Variants in ERICH1 observed in about 807,000 individuals in gnomAD.
ERICH1 encodes glutamate-rich protein 1.
In ERICH1, 56 loss-of-function variants were observed where a neutral mutation model predicts 39.6. The observed-to-expected ratio is 1.41, with a 90% CI of 1.14 to 1.77. The LOEUF is 1.77. Among genes scored for constraint, ERICH1 ranks in the 40% most tolerant of loss-of-function variants. The probability of loss-of-function intolerance (pLI) is 0.00; values close to 1 mark genes in which losing one functional copy is unlikely to be tolerated. For missense variants in ERICH1, 826 were observed against 575.4 expected, an observed-to-expected ratio of 1.44 and a Z score of -4.45; for synonymous variants, 313 against 223.6, an observed-to-expected ratio of 1.40 and a Z score of -3.57.
At chr8:637,506 GC>G (rs2117176645) in intron 3 of ERICH1, 1 of 152,430 alleles carries the variant, frequency 6.6e-6, no homozygotes, top group South Asian at 2.1e-4. Flanking sequence ...TACAATCAGA[GC>G]CCCACATGCC....
In ERICH1 at chr8:635,581, C is replaced by T. The variant is rs139129275; in HGVS notation, c.977-20297G>A. ...CTGTGGTCGACCTGGACGTAGTGGC[C>T]AGCCGGCCCGGCCCCGACCTGCCAG... is the stretch of plus-strand genomic sequence containing the variant. On this transcript the variant is annotated intron_variant, in intron 3 of 3. Coordinates refer to the ERICH1 transcript ENST00000522706. Among the ~76,000 whole-genome samples, 1,406 of 152,324 alleles carry T rather than the reference C, an allele frequency of 9.2e-3. 15 individuals carry two copies. Among genetic ancestry groups the T allele is most frequent in the African/African-American group, 0.032 (1,342 of 41,576 alleles).
At chr8:621,871 C>A (rs766977867) in intron 3 of ERICH1, among the ~76,000 whole-genome samples, 3 of 152,156 alleles carry the variant, frequency 2.0e-5, no homozygotes, top group African/African-American at 7.2e-5. Flanking sequence ...ACTACCCAAA[C>A]CAACTCAAAA....
rs1554526200 is a variant in ERICH1, at chr8:708,687, T to TTTTTGTTTTTG, written c.169+7173_169+7174insCAAAAACAAAA. ...AGTGGTTACGGGATAATGAGTTTTT[T>TTTTTGTTTTTG]TTTTTTTTTTTTTTTTTTTTTTTTG... On this transcript the variant is annotated intron_variant, in intron 2 of 5. Coordinates refer to ENST00000262109, the MANE Select transcript of ERICH1 (RefSeq NM_207332.3). Among the ~76,000 whole-genome samples the TTTTTGTTTTTG allele has an allele frequency of 4.5e-4, 23 of 51,098 alleles. 2 individuals carry two copies. In the South Asian group the frequency reaches 0.016, roughly 35 times the overall value. The allele number at this position is 51,098 out of a possible 152,430, so 33.5% of individuals were successfully genotyped here. A position where few individuals can be genotyped will look rare whatever the true frequency, so the allele number is the denominator to read the frequency against.
intron 3 of ERICH1, chr8:626,417 G>A (rs1419053732): frequency 2.0e-5 from 3 of 152,168 alleles, no homozygotes; most frequent in African/African-American, 4.8e-5. Flanking sequence ...GCAGGAGCTG[G>A]GGTGGGGTCA....
intron 3 of ERICH1, among the ~76,000 whole-genome samples, chr8:621,733 A>C (rs1056942340): frequency 2.4e-4 from 36 of 152,176 alleles, no homozygotes; most frequent in African/African-American, 8.7e-4. Context: ...CTAAATTACC[A>C]AAGTTAGAAA....
At chr8:631,913 G>C (rs140508004) in intron 3 of ERICH1, among the ~76,000 whole-genome samples, 8 of 152,222 alleles carry the variant, frequency 5.3e-5, no homozygotes, top group Non-Finnish European at 1.0e-4. Flanking sequence ...AAGATTTAAA[G>C]CCCATTCTCC....
chr8:623,684 A>G (rs1029727074), intron 3 of ERICH1, among the ~76,000 whole-genome samples: 2 of 152,308 alleles, frequency 1.3e-5, no homozygotes, highest in East Asian at 3.9e-4. Context: ...ATGCTGGAAC[A>G]AGTGGACTTC....
At chr8:693,338 A>G (rs571186711) in intron 2 of ERICH1, among the ~76,000 whole-genome samples, 141 of 152,384 alleles carry the variant, frequency 9.3e-4, no homozygotes, top group South Asian at 6.8e-3. Context: ...TGTATCTTAC[A>G]TGTAAAATAT....
At chr8:708,697 T>TTTTTTTTTTG (rs1813981503) in intron 2 of ERICH1, among the ~76,000 whole-genome samples, 5 of 139,118 alleles carry the variant, frequency 3.6e-5, no homozygotes, top group Admixed American at 2.2e-4. Context: ...TTTTTTTTTT[T>TTTTTTTTTTG]TTTTTTTTTT....
intron 2 of ERICH1, among the ~76,000 whole-genome samples, chr8:699,458 G>A (rs911996882): frequency 5.3e-5 from 8 of 152,160 alleles, no homozygotes; most frequent in African/African-American, 1.7e-4. Flanking sequence ...TAAAATCCAA[G>A]GACAAGCACG....
intron 3 of ERICH1, among the ~76,000 whole-genome samples, chr8:624,910 T>C (rs1217175354): frequency 6.6e-6 from 1 of 151,950 alleles, no homozygotes; most frequent in Non-Finnish European, 1.5e-5. Flanking sequence ...GTATTTTTAG[T>C]AGAGACGGGG....
chr8:632,026 CGGA>C (rs551884565), intron 3 of ERICH1, among the ~76,000 whole-genome samples: 2,393 of 152,262 alleles, frequency 0.016, 55 homozygotes, highest in African/African-American at 0.054. Flanking sequence ...GCACCACAGC[CGGA>C]ATAGACTCGA....
chr8:664,817 G>C lies in ERICH1; in HGVS notation c.1259-141C>G, dbSNP rs1249424506. 1.1e-5 allele frequency: 7 copies of C among 615,164 alleles called. No individual in the cohort carries two copies. In the East Asian group the frequency reaches 1.9e-4, roughly 17 times the overall value. 38.1% of individuals were successfully genotyped at this position (615,164 alleles called of 1,614,324 possible). A position where few individuals can be genotyped will look rare whatever the true frequency, so the allele number is the denominator to read the frequency against. On this transcript the variant is annotated intron_variant, in intron 5 of 5. Transcript: ENST00000262109. Reference sequence around the variant, plus strand: ...TAAAATGCAACTTTGGCATGAAACTGATGTTGAAAGTGACACATTATACTT... The same window carrying C: ...TAAAATGCAACTTTGGCATGAAACTCATGTTGAAAGTGACACATTATACTT...
intron 3 of ERICH1, among the ~76,000 whole-genome samples, chr8:680,391 A>G (rs537545412): frequency 6.5e-4 from 90 of 137,694 alleles, no homozygotes; most frequent in African/African-American, 2.2e-3. Flanking sequence ...CCACCCCTGA[A>G]AACACAGAAA....
intron 1 of ERICH1, among the ~76,000 whole-genome samples, chr8:724,610 T>C (rs7841305): frequency 0.52 from 78,591 of 151,956 alleles, 20,753 homozygotes; most frequent in African/African-American, 0.61. Context: ...CGCTGAGAGG[T>C]CATTGGGAAG....
chr8:713,572 G>C lies in ERICH1; in HGVS notation c.169+2289C>G, dbSNP rs562363893. Among the ~76,000 whole-genome samples, 5 of 152,204 alleles carry C rather than the reference G, an allele frequency of 3.3e-5. No homozygotes were observed. The South Asian group carries it at 1.0e-3, about 32-fold the overall frequency. ...TATCCTTGACCAGAACGGTGTCTGT[G>C]GCACTCATCACATCGCAGGTTAGAC... On this transcript the variant is annotated intron_variant, in intron 2 of 5. Coordinates refer to ENST00000262109, the MANE Select transcript of ERICH1 (RefSeq NM_207332.3).
At chr8:724,918 G>A (rs1254042937) in intron 1 of ERICH1, among the ~76,000 whole-genome samples, 1 of 152,082 alleles carries the variant, frequency 6.6e-6, no homozygotes, top group African/African-American at 2.4e-5. Flanking sequence ...AGGGAGCCAC[G>A]GCTGCCCCAT....
At chr8:716,359 C>A (rs1036628893) in intron 1 of ERICH1, among the ~76,000 whole-genome samples, 3 of 152,270 alleles carry the variant, frequency 2.0e-5, no homozygotes, top group Admixed American at 2.0e-4. Flanking sequence ...CAGGCCATGA[C>A]CCCTGTCAGT....
At chr8:727,580 C>G (rs562862298) in intron 1 of ERICH1, among the ~76,000 whole-genome samples, 1 of 152,220 alleles carries the variant, frequency 6.6e-6, no homozygotes, top group South Asian at 2.1e-4. Flanking sequence ...CTGTCCTGTG[C>G]GTGCAGCAGT....
Sources: gnomAD v4.1 joint callset for allele counts (sites outside exome capture counted in the v4.1 genomes callset) on GRCh38, gnomAD v4.1.1 for gene constraint, MANE v1.5 for transcripts, NCBI Gene and HGNC (gene_info 2026-07-23, HGNC 2026-07-21) for gene names.